AFF3: variants seen among roughly 807,000 people sequenced by gnomAD.
AFF3 encodes ALF transcription elongation factor 3, also known as AF4/FMR2 family member 3.
In AFF3, 32 loss-of-function variants were observed where a neutral mutation model predicts 129.7. The ratio of observed to expected loss-of-function variants is 0.25; its 90% CI spans 0.19 to 0.33. AFF3 has a LOEUF of 0.33. AFF3 is among the 10% of genes least tolerant of loss of function. The pLI, the probability that AFF3 is intolerant of heterozygous loss-of-function variation, is 1.00. For synonymous variants in AFF3, 644 were observed against 635.4 expected (o/e 1.01, Z -0.20); for missense variants, 1,373 against 1,592.0 (o/e 0.86, Z 2.34).
intron 7 of AFF3, among the ~76,000 whole-genome samples, chr2:99,898,217 A>G (rs1001698151): frequency 6.6e-6 from 1 of 152,244 alleles, no homozygotes; most frequent in Non-Finnish European, 1.5e-5. Context: ...TAAAGAATGG[A>G]CATTTTTTCC....
chr2:99,717,083 T>A (rs1678469951), intron 11 of AFF3, among the ~76,000 whole-genome samples: 1 of 152,232 alleles, frequency 6.6e-6, no homozygotes, highest in Non-Finnish European at 1.5e-5. Context: ...TTTGTTGCTA[T>A]TTGATTAGAA....
At chr2:99,787,150 TCA>T (rs982770010) in intron 8 of AFF3, among the ~76,000 whole-genome samples, 1 of 152,126 alleles carries the variant, frequency 6.6e-6, no homozygotes, top group Non-Finnish European at 1.5e-5. Context: ...TTGCTCTAAA[TCA>T]CAGATGGCAG....
chr2:99,569,483 G>T (rs1320849955), intron 18 of AFF3, among the ~76,000 whole-genome samples: 1 of 152,202 alleles, frequency 6.6e-6, no homozygotes, highest in Non-Finnish European at 1.5e-5. Context: ...ATTGTAAAAT[G>T]ATGTCTACCT....
intron 13 of AFF3, among the ~76,000 whole-genome samples, chr2:99,646,277 T>C (rs904117420): frequency 3.9e-5 from 6 of 152,194 alleles, no homozygotes; most frequent in African/African-American, 1.4e-4. Context: ...TATAGGACAC[T>C]GAGGTTCTGA....
At chr2:99,675,938 T>G (rs2104499057) in intron 11 of AFF3, among the ~76,000 whole-genome samples, 1 of 150,806 alleles carries the variant, frequency 6.6e-6, no homozygotes, top group South Asian at 2.1e-4. Context: ...AAGATGCAAA[T>G]TAAGTGCTGA....
At chr2:99,560,258 T>G in intron 21 of AFF3, 107 bp downstream of exon 21, 1 of 1,217,098 alleles carries the variant, frequency 8.2e-7, no homozygotes, top group Non-Finnish European at 1.2e-6. Flanking sequence ...CTCTGGGGCT[T>G]TGTATGTTAG....
intron 7 of AFF3, among the ~76,000 whole-genome samples, chr2:99,947,073 TC>T (rs1675642374): frequency 6.6e-6 from 1 of 152,184 alleles, no homozygotes; most frequent in Admixed American, 6.5e-5. Context: ...TGTCCAAAGC[TC>T]TGTATTAAGT....
chr2:99,572,814 G>T (rs767130386), intron 18 of AFF3, among the ~76,000 whole-genome samples: 3 of 152,224 alleles, frequency 2.0e-5, no homozygotes, highest in Non-Finnish European at 4.4e-5. Flanking sequence ...GCCACTCCAG[G>T]ATGCTGGCAC....
intron 10 of AFF3, among the ~76,000 whole-genome samples, chr2:99,739,009 T>C (rs1319065749): frequency 2.1e-5 from 2 of 94,348 alleles, no homozygotes; most frequent in Admixed American, 1.2e-4. Context: ...GAGTGAACTG[T>C]TCAATTTTTT....
intron 7 of AFF3, among the ~76,000 whole-genome samples, chr2:99,855,951 CT>C (rs1553466911): frequency 6.6e-6 from 1 of 152,114 alleles, no homozygotes; most frequent in Non-Finnish European, 1.5e-5. Flanking sequence ...CTCCCTAAAA[CT>C]CATAATCCCA....
chr2:99,713,610 G>C (rs917304006), intron 11 of AFF3, among the ~76,000 whole-genome samples: 1 of 151,886 alleles, frequency 6.6e-6, no homozygotes, highest in East Asian at 1.9e-4. Context: ...ATAACCCCCC[G>C]AGGAAAGGTA....
chr2:100,000,687 C>T (rs1026867192), intron 7 of AFF3, among the ~76,000 whole-genome samples: 1 of 152,188 alleles, frequency 6.6e-6, no homozygotes, highest in African/African-American at 2.4e-5. Flanking sequence ...GTCTCATTCA[C>T]TCCCCGCTGC....
At chr2:100,028,411 A>G (rs1242359216) in intron 4 of AFF3, among the ~76,000 whole-genome samples, 1 of 152,188 alleles carries the variant, frequency 6.6e-6, no homozygotes, top group Admixed American at 6.5e-5. Flanking sequence ...TGTAATAATC[A>G]GAAAATAATT....
intron 7 of AFF3, among the ~76,000 whole-genome samples, chr2:99,932,657 T>C (rs930103917): frequency 1.3e-5 from 2 of 152,228 alleles, no homozygotes; most frequent in African/African-American, 4.8e-5. Flanking sequence ...TGTTCATCTC[T>C]GTCCAGCTAA....
At chr2:99,975,498 C>T (rs1363144902) in intron 7 of AFF3, among the ~76,000 whole-genome samples, 1 of 152,148 alleles carries the variant, frequency 6.6e-6, no homozygotes, top group Non-Finnish European at 1.5e-5. Flanking sequence ...GATACACTGA[C>T]AAGTCATTTC....
chr2:99,823,432 A>C (rs1274838145), intron 8 of AFF3, among the ~76,000 whole-genome samples: 1 of 152,238 alleles, frequency 6.6e-6, no homozygotes, highest in Non-Finnish European at 1.5e-5. Context: ...TAAGGTAATT[A>C]GCATAGAATC....
chr2:99,739,178 T>C (rs1680510556), intron 10 of AFF3, among the ~76,000 whole-genome samples: 1 of 151,982 alleles, frequency 6.6e-6, no homozygotes, highest in Non-Finnish European at 1.5e-5. Flanking sequence ...TCGCACTTGT[T>C]CTCTCTTGGG....
At chr2:99,943,272 T>G (rs1038175681) in intron 7 of AFF3, among the ~76,000 whole-genome samples, 1 of 152,198 alleles carries the variant, frequency 6.6e-6, no homozygotes, top group Non-Finnish European at 1.5e-5. Flanking sequence ...GCTGGTCCCA[T>G]GCGAGGGTCC....
chr2:99,796,684 C>A (rs1453715538), intron 8 of AFF3, among the ~76,000 whole-genome samples: 1 of 152,156 alleles, frequency 6.6e-6, no homozygotes, highest in Non-Finnish European at 1.5e-5. Context: ...TGAATATCTG[C>A]AGGTCTTCCT....
Sources: gnomAD v4.1 joint callset for allele counts (sites outside exome capture counted in the v4.1 genomes callset) on GRCh38, gnomAD v4.1.1 for gene constraint, MANE v1.5 for transcripts, NCBI Gene and HGNC (gene_info 2026-07-23, HGNC 2026-07-21) for gene names.